SNTG2: variants seen among roughly 807,000 people sequenced by gnomAD.
SNTG2 encodes syntrophin gamma 2, also known as gamma-2-syntrophin.
Under a neutral mutation model 70.9 loss-of-function variants are expected in SNTG2, and 74 were observed. The ratio of observed to expected loss-of-function variants is 1.04; its 90% CI spans 0.86 to 1.27. SNTG2 has a LOEUF of 1.27. SNTG2 is among the 50% of genes most tolerant of loss of function. The probability of loss-of-function intolerance (pLI) is 0.00; values close to 1 mark genes in which losing one functional copy is unlikely to be tolerated. For missense variants in SNTG2, 717 were observed against 690.7 expected (o/e 1.04, Z -0.43); for synonymous variants, 278 against 273.8 (o/e 1.02, Z -0.15).
At chr2:1,120,585 A>G (rs1434632817) in intron 4 of SNTG2, among the ~76,000 whole-genome samples, 1 of 152,170 alleles carries the variant, frequency 6.6e-6, no homozygotes, top group African/African-American at 2.4e-5. Flanking sequence ...AATGGTAGCC[A>G]AAAGAGAGAA....
At position 1,091,591 on chromosome 2, in the gene SNTG2, C is replaced by G. The variant is rs560874335; in HGVS notation, c.211-6605C>G. 2.5e-4 allele frequency among the ~76,000 whole-genome samples: 38 copies of G among 152,306 alleles called. No individual in the cohort carries two copies. The South Asian group carries it at 6.8e-3, about 27-fold the overall frequency. On this transcript the variant is annotated intron_variant, in intron 2 of 16. Coordinates refer to ENST00000308624, the MANE Select transcript of SNTG2 (RefSeq NM_018968.4). ...ATCAGGTTAGGGCTACGGGGCCGCT[C>G]CCCCATGAAGCCCGCCAAGGGCAGC...
intron 1 of SNTG2, among the ~76,000 whole-genome samples, chr2:969,724 CTT>C (rs1335626828): frequency 6.6e-6 from 1 of 152,162 alleles, no homozygotes; most frequent in Admixed American, 6.5e-5. Context: ...TATCCTGAAA[CTT>C]TGCTGAAGTT....
intron 1 of SNTG2, among the ~76,000 whole-genome samples, chr2:956,195 C>T (rs1253198397): frequency 8.8e-6 from 1 of 113,610 alleles, no homozygotes; most frequent in African/African-American, 3.2e-5. Flanking sequence ...CCTACCCCTG[C>T]CCTGCCACTG....
At chr2:1,125,494 G>T (rs539576463) in intron 4 of SNTG2, among the ~76,000 whole-genome samples, 1 of 152,170 alleles carries the variant, frequency 6.6e-6, no homozygotes, top group Admixed American at 6.5e-5. Flanking sequence ...TTTGAAGTTT[G>T]CTGCTTTCTT....
chr2:1,350,537 C>G (rs970271397), intron 16 of SNTG2, among the ~76,000 whole-genome samples: 2 of 152,178 alleles, frequency 1.3e-5, no homozygotes, highest in Admixed American at 6.5e-5. Flanking sequence ...ATTTTTCCAG[C>G]AAGGACAGCC....
At chr2:979,870 G>A (rs75811857) in intron 1 of SNTG2, among the ~76,000 whole-genome samples, 46,095 of 151,530 alleles carry the variant, frequency 0.3, 7,352 homozygotes, top group Middle Eastern at 0.41. Context: ...TATTGCCAAA[G>A]TTTATAGAGA....
Position 1,308,502 on chromosome 2 carries a change from A to G in SNTG2, c.1293A>G (p.Thr431=). ...FMEVQRTGSR[T]YMCSWQGEML... The stretch of plus-strand genomic sequence containing the variant: ...TTGATACTTTTTTCTAGTCCAGAAC[A>G]TACATGTGCAGCTGGCAAGGAGAGA... Residue 431 remains threonine (T), a synonymous_variant, in exon 15 of 17, where the codon ACA becomes ACG. Coordinates refer to ENST00000308624, the MANE Select transcript of SNTG2 (RefSeq NM_018968.4). The G allele has an allele frequency of 6.4e-7, 1 of 1,551,604 alleles. No homozygotes were observed. Among genetic ancestry groups the G allele is most frequent in the Non-Finnish European group, 8.7e-7 (1 of 1,146,954 alleles).
chr2:1,140,834 T>C (rs1668702445), intron 6 of SNTG2, among the ~76,000 whole-genome samples: 1 of 147,960 alleles, frequency 6.8e-6, no homozygotes, highest in East Asian at 1.9e-4. Context: ...TTGATAAAAA[T>C]TGACCTAATT....
At chr2:1,162,923 C>G (rs1310389188) in intron 6 of SNTG2, among the ~76,000 whole-genome samples, 1 of 152,152 alleles carries the variant, frequency 6.6e-6, no homozygotes, top group Non-Finnish European at 1.5e-5. Context: ...CAGAGACAGG[C>G]GTCTCACAAG....
At chr2:1,214,020 T>C (rs891191560) in intron 9 of SNTG2, among the ~76,000 whole-genome samples, 1 of 152,226 alleles carries the variant, frequency 6.6e-6, no homozygotes, top group Admixed American at 6.5e-5. Flanking sequence ...CATTTCCTCA[T>C]GATATGTTCC....
At chr2:1,319,363 A>T (rs1400365581) in intron 16 of SNTG2, among the ~76,000 whole-genome samples, 1 of 152,252 alleles carries the variant, frequency 6.6e-6, no homozygotes, top group Non-Finnish European at 1.5e-5. Context: ...TATGAAAAAA[A>T]AATGTAAAAC....
chr2:1,066,059 TATA>T, intron 1 of SNTG2, among the ~76,000 whole-genome samples: 1 of 152,230 alleles, frequency 6.6e-6, no homozygotes, highest in Non-Finnish European at 1.5e-5. Context: ...TTCAAATCAT[TATA>T]ACTAGGCTCA....
At chr2:1,321,628 A>G (rs540340768) in intron 16 of SNTG2, among the ~76,000 whole-genome samples, 1 of 152,284 alleles carries the variant, frequency 6.6e-6, no homozygotes, top group East Asian at 1.9e-4. Context: ...AGGAAGCCAG[A>G]TGGTGCCAGG....
chr2:1,278,665 G>C (rs1016327219), intron 14 of SNTG2, among the ~76,000 whole-genome samples: 1 of 152,164 alleles, frequency 6.6e-6, no homozygotes, highest in African/African-American at 2.4e-5. Context: ...AAATACCAAT[G>C]CTTCTTTCTC....
rs1660676645 is a variant in SNTG2 at position 1,353,229 on chromosome 2, C to T, written c.1489-14114C>T. On this transcript the variant is annotated intron_variant, in intron 16 of 16. Coordinates refer to ENST00000308624, the MANE Select transcript of SNTG2 (RefSeq NM_018968.4). The surrounding 1 kb of genome is among the most constrained non-coding windows in gnomAD (Gnocchi z 4.2). ...CCAGGACAGCCAGGTCACCTGTACA[C>T]CACCTCCCGCCCACAGAAACAGTGG... 6.6e-6 allele frequency among the ~76,000 whole-genome samples: 1 copy of T among 152,152 alleles called. No individual in the cohort carries two copies. The highest frequency in any genetic ancestry group is 1.5e-5 in the Non-Finnish European group (1 of 68,036).
chr2:1,312,085 T>C (rs1281475262), intron 15 of SNTG2, among the ~76,000 whole-genome samples: 1 of 152,098 alleles, frequency 6.6e-6, no homozygotes, highest in African/African-American at 2.4e-5. Context: ...ATCAACTATC[T>C]ATTTTCAATG....
rs187043391 is a variant in SNTG2, at chr2:1,112,679, G to A, written c.325+14269G>A. Among the ~76,000 whole-genome samples the A allele has an allele frequency of 2.5e-4, 38 of 149,388 alleles. 2 individuals carry two copies. Among genetic ancestry groups the A allele is most frequent in the Admixed American group, 1.2e-3 (18 of 15,084 alleles). On this transcript the variant is annotated intron_variant, in intron 4 of 16. Transcript: ENST00000308624. Reference sequence around the variant, plus strand: ...GGGTTAACCCTTACAGTCCTTTGAGGAGAATCATGTGTACTAAGTGAGGGT... The same window carrying A: ...GGGTTAACCCTTACAGTCCTTTGAGAAGAATCATGTGTACTAAGTGAGGGT...
In SNTG2 at chr2:1,263,579, G is replaced by T. The variant is rs72770628; in HGVS notation, c.1078-3786G>T. ...GGGGGGTGGGCTTTCTTCAGTCGTG[G>T]GGGTGGCTGGAAATGCTGTTCTGGA... is the stretch of plus-strand genomic sequence containing the variant. On this transcript the variant is annotated intron_variant, in intron 13 of 16. Coordinates refer to ENST00000308624, the MANE Select transcript of SNTG2 (RefSeq NM_018968.4). 8.8e-3 allele frequency among the ~76,000 whole-genome samples: 1,332 copies of T among 152,046 alleles called. 17 individuals are homozygous for T. The highest frequency in any genetic ancestry group is 0.027 in the Middle Eastern group (8 of 292).
At chr2:1,294,714 T>G (rs1390240598) in intron 14 of SNTG2, among the ~76,000 whole-genome samples, 2 of 152,222 alleles carry the variant, frequency 1.3e-5, no homozygotes, top group African/African-American at 4.8e-5. Context: ...AACGGTCATT[T>G]CAGGAATCAG....
Sources: gnomAD v4.1 joint callset for allele counts (sites outside exome capture counted in the v4.1 genomes callset) on GRCh38, gnomAD v4.1.1 for gene constraint, Gnocchi (gnomAD v3.1) non-coding constraint, MANE v1.5 for transcripts, NCBI Gene and HGNC (gene_info 2026-07-23, HGNC 2026-07-21) for gene names.